The following NXN variants were observed in gnomAD, a reference collection of about 807,000 sequenced individuals.
NXN encodes nucleoredoxin.
NXN carries 16 observed loss-of-function variants against 48.6 expected under a neutral mutation model. The observed-to-expected ratio is 0.33, with a 90% CI of 0.22 to 0.50. The LOEUF (loss-of-function observed/expected upper bound fraction) is 0.50, where lower values mean the gene tolerates loss of function less well. NXN is among the 20% of genes least tolerant of loss of function. The pLI, the probability that NXN is intolerant of heterozygous loss-of-function variation, is 0.98. For missense variants in NXN, 492 were observed against 605.5 expected, an observed-to-expected ratio of 0.81 and a Z score of 1.97; for synonymous variants, 281 against 269.6, an observed-to-expected ratio of 1.04 and a Z score of -0.41.
In NXN at chr17:978,255, T is replaced by C. The variant is rs1186722574; in HGVS notation, c.360+1064A>G. The C allele has an allele frequency of 3.3e-5, 5 of 152,214 alleles. No individual in the cohort carries two copies. The highest frequency in any genetic ancestry group is 1.5e-5 in the Non-Finnish European group (1 of 68,052). 9.4% of individuals were successfully genotyped at this position (152,214 alleles called of 1,614,324 possible). A position where few individuals can be genotyped will look rare whatever the true frequency, so the allele number is the denominator to read the frequency against. ...GGCTGGATTCACACGTTGCATCATA[T>C]ACACTCACGAAGCAACAGCGCTCCA... On this transcript the variant is annotated intron_variant, in intron 1 of 7. Coordinates refer to ENST00000336868, the MANE Select transcript of NXN (RefSeq NM_022463.5). This position sits in a 1 kb window ranked among gnomAD's most constrained non-coding sequence, Gnocchi z 4.1.
At chr17:936,076 G>A (rs12945816) in intron 1 of NXN, among the ~76,000 whole-genome samples, 37,799 of 141,216 alleles carry the variant, frequency 0.27, 5,591 homozygotes, top group South Asian at 0.34. Context: ...TGGGCAACAG[G>A]GCAAGATTCC....
At chr17:909,949 T>A (rs764639540) in intron 1 of NXN, 1 of 152,170 alleles carries the variant, frequency 6.6e-6, no homozygotes, top group Non-Finnish European at 1.5e-5. Flanking sequence ...GATATCGCCT[T>A]TAATATCTAT....
intron 1 of NXN, among the ~76,000 whole-genome samples, chr17:863,161 A>G (rs867829118): frequency 6.6e-6 from 1 of 151,858 alleles, no homozygotes; most frequent in Non-Finnish European, 1.5e-5. Flanking sequence ...ACATCCTGCG[A>G]ATACTGTTCT....
At chr17:853,240 T>A (rs2067944313) in intron 1 of NXN, among the ~76,000 whole-genome samples, 1 of 152,132 alleles carries the variant, frequency 6.6e-6, no homozygotes, top group Admixed American at 6.5e-5. Flanking sequence ...GGTCAGGAGT[T>A]TGAGACCAGC....
intron 4 of NXN, among the ~76,000 whole-genome samples, chr17:819,759 G>C (rs1912717293): frequency 6.6e-6 from 1 of 151,940 alleles, no homozygotes; most frequent in African/African-American, 2.4e-5. Context: ...GTGGGTGCCG[G>C]CTAAGACGCC....
chr17:818,162 G>A lies in NXN; in HGVS notation c.820+1277C>T, dbSNP rs12945893. Among the ~76,000 whole-genome samples, 614 of 152,218 alleles carry A rather than the reference G, an allele frequency of 4.0e-3. 1 individual carries two copies. Among genetic ancestry groups the A allele is most frequent in the Non-Finnish European group, 6.5e-3 (445 of 68,008 alleles). ...TGTAGTCCCAGCTACTCGGGAGGCT[G>A]AGGTGAGAGGATGGCTTGAGCCCTG... On this transcript the variant is annotated intron_variant, in intron 5 of 7. Coordinates refer to ENST00000336868, the MANE Select transcript of NXN (RefSeq NM_022463.5).
rs66910992 is a variant in NXN at position 930,774 on chromosome 17, CTT to C, written c.360+48543_360+48544del. Among the ~76,000 whole-genome samples the C allele has an allele frequency of 2.8e-3, 400 of 142,346 alleles. 1 individual carries two copies. Among genetic ancestry groups the C allele is most frequent in the African/African-American group, 7.6e-3 (291 of 38,164 alleles). 93.4% of individuals were successfully genotyped at this position (142,346 alleles called of 152,430 possible). A position where few individuals can be genotyped will look rare whatever the true frequency, so the allele number is the denominator to read the frequency against. On this transcript the variant is annotated intron_variant, in intron 1 of 7. Transcript: ENST00000336868. ...AAGAGGACAAAGAAAGTTGAGTTTG[CTT>C]TTTTTTTTTTTTTAGACAGAATCTC... is the stretch of plus-strand genomic sequence containing the variant.
intron 1 of NXN, among the ~76,000 whole-genome samples, chr17:837,322 T>A (rs1913882505): frequency 6.6e-6 from 1 of 152,076 alleles, no homozygotes; most frequent in Admixed American, 6.6e-5. Context: ...TGTCCTCATA[T>A]CCCCAGAGGT....
rs1231662628 is a variant in NXN, at chr17:799,457, A to G, written c.*1492T>C. 6.6e-6 allele frequency: 1 copy of G among 152,310 alleles called. No individual in the cohort carries two copies. 9.4% of individuals were successfully genotyped at this position (152,310 alleles called of 1,614,324 possible). On this transcript the variant is annotated 3_prime_UTR_variant, in exon 8 of 8. Transcript: ENST00000336868. ...GTTGTACGCCTCTGAACTACAAGTC[A>G]ACAATCCAATTCAGCAAGGAACAAC...
intron 1 of NXN, among the ~76,000 whole-genome samples, chr17:913,624 G>A (rs1033448291): frequency 7.0e-6 from 1 of 142,392 alleles, no homozygotes; most frequent in Non-Finnish European, 1.5e-5. Context: ...AGGCAATGCA[G>A]AGACCGGGAA....
chr17:866,991 G>A (rs2068101245), intron 1 of NXN, among the ~76,000 whole-genome samples: 1 of 151,638 alleles, frequency 6.6e-6, no homozygotes, highest in African/African-American at 2.4e-5. Context: ...GGTTCTCCGG[G>A]GAATTCTCCA....
chr17:911,322 T>C (rs1444611905), intron 1 of NXN: 1 of 149,020 alleles, frequency 6.7e-6, no homozygotes, highest in Non-Finnish European at 1.5e-5. Flanking sequence ...TGTTTCTCCA[T>C]TAATGCAAGT....
intron 1 of NXN, among the ~76,000 whole-genome samples, chr17:901,245 A>G (rs559843848): frequency 1.0e-3 from 51 of 50,040 alleles, no homozygotes; most frequent in African/African-American, 3.5e-3. Flanking sequence ...TCTCATTTGT[A>G]TCCAAAACCC....
At chr17:957,367 C>T (rs2069182690) in intron 1 of NXN, among the ~76,000 whole-genome samples, 1 of 151,678 alleles carries the variant, frequency 6.6e-6, no homozygotes, top group African/African-American at 2.4e-5. Context: ...GGCGCAGGGG[C>T]TCACTTCGGC....
At chr17:806,586 G>A (rs866621180) in intron 5 of NXN, among the ~76,000 whole-genome samples, 3 of 152,046 alleles carry the variant, frequency 2.0e-5, no homozygotes, top group Admixed American at 6.6e-5. Context: ...CACCCTGCAC[G>A]TTCCAGACGC....
intron 1 of NXN, among the ~76,000 whole-genome samples, chr17:900,426 G>A (rs1242640939): frequency 6.6e-6 from 1 of 152,174 alleles, no homozygotes; most frequent in African/African-American, 2.4e-5. Flanking sequence ...TCTGGCTTCA[G>A]AGCCCACTCT....
intron 5 of NXN, among the ~76,000 whole-genome samples, chr17:807,499 G>A (rs945847699): frequency 8.5e-5 from 13 of 152,198 alleles, no homozygotes; most frequent in East Asian, 3.9e-4. Context: ...TCCTCCAAGC[G>A]GCCTTTTTCC....
intron 1 of NXN, among the ~76,000 whole-genome samples, chr17:889,489 G>C (rs1419072372): frequency 6.6e-6 from 1 of 152,128 alleles, no homozygotes; most frequent in Non-Finnish European, 1.5e-5. Flanking sequence ...CTGAGGTCAG[G>C]AGTTCAAGAC....
intron 6 of NXN, 48 bp downstream of exon 6, chr17:805,020 T>TGCCCCCCCC: frequency 6.6e-7 from 1 of 1,512,882 alleles, no homozygotes; most frequent in Non-Finnish European, 9.0e-7. Context: ...GCCCCTCCTG[T>TGCCCCCCCC]CCCGCCCCCC....
Sources: allele counts gnomAD v4.1 joint callset (sites outside exome capture counted in the v4.1 genomes callset), GRCh38; gene constraint gnomAD v4.1.1; non-coding constraint Gnocchi (gnomAD v3.1); transcripts MANE v1.5; gene names NCBI Gene and HGNC (gene_info 2026-07-23, HGNC 2026-07-21).